Variants in GAREM1 observed in about 807,000 individuals in gnomAD.
The protein encoded by GAREM1 is GRB2 associated regulator of MAPK1 subtype 1.
A neutral mutation model predicts 71.3 loss-of-function variants in GAREM1; 26 were observed. The observed-to-expected ratio is 0.36, with a 90% CI of 0.27 to 0.51. GAREM1 has a LOEUF of 0.51. GAREM1 is among the 20% of genes least tolerant of loss of function. GAREM1 has a pLI of 0.95. For missense variants in GAREM1, 1,026 were observed against 1,103.1 expected (o/e 0.93, Z 0.99); for synonymous variants, 440 against 433.2 (o/e 1.02, Z -0.20).
At chr18:32,350,405 G>A (rs1380254481) in intron 2 of GAREM1, among the ~76,000 whole-genome samples, 1 of 151,990 alleles carries the variant, frequency 6.6e-6, no homozygotes, top group African/African-American at 2.4e-5. Context: ...TCCAACTGAA[G>A]GATTTTTGGC....
At chr18:32,306,857 T>C (rs1234361036) in intron 3 of GAREM1, among the ~76,000 whole-genome samples, 1 of 152,102 alleles carries the variant, frequency 6.6e-6, no homozygotes, top group African/African-American at 2.4e-5. Context: ...TAGTAAGTGC[T>C]CAAAATATAT....
chr18:32,339,303 A>G (rs1567970396), intron 2 of GAREM1, among the ~76,000 whole-genome samples: 1 of 152,192 alleles, frequency 6.6e-6, no homozygotes, highest in Admixed American at 6.5e-5. Flanking sequence ...CCGCCCACTG[A>G]TAAGTGCCTG....
chr18:32,339,689 A>G (rs1414790858), intron 2 of GAREM1, among the ~76,000 whole-genome samples: 1 of 152,180 alleles, frequency 6.6e-6, no homozygotes, highest in Non-Finnish European at 1.5e-5. Flanking sequence ...AACATATACA[A>G]ATCTAATTTC....
At chr18:32,455,972 G>GA (rs953180119) in intron 1 of GAREM1, among the ~76,000 whole-genome samples, 10 of 150,844 alleles carry the variant, frequency 6.6e-5, no homozygotes, top group African/African-American at 2.2e-4. Flanking sequence ...CAGCCTGGAA[G>GA]AAAAAAAAAT....
At chr18:32,337,408 T>A (rs906945218) in intron 2 of GAREM1, among the ~76,000 whole-genome samples, 1 of 152,174 alleles carries the variant, frequency 6.6e-6, no homozygotes, top group Admixed American at 6.5e-5. Flanking sequence ...GGTGAGTGAA[T>A]ACACATTTTA....
chr18:32,424,191 C>T (rs541058425), intron 1 of GAREM1, among the ~76,000 whole-genome samples: 1 of 151,840 alleles, frequency 6.6e-6, no homozygotes, highest in African/African-American at 2.4e-5. Context: ...CTTCCATATG[C>T]TAAAATCTAT....
chr18:32,409,815 G>T (rs149659700), intron 1 of GAREM1, among the ~76,000 whole-genome samples: 3 of 152,230 alleles, frequency 2.0e-5, no homozygotes, highest in African/African-American at 7.2e-5. Flanking sequence ...AGCAACTGTA[G>T]TACCAGTATT....
chr18:32,298,238 A>C (rs2047163175), intron 3 of GAREM1, among the ~76,000 whole-genome samples: 1 of 152,210 alleles, frequency 6.6e-6, no homozygotes, highest in Admixed American at 6.5e-5. Flanking sequence ...TATTAATGCT[A>C]GCAATTAGCC....
chr18:32,310,127 C>A, intron 3 of GAREM1, 66 bp downstream of exon 3: 1 of 1,557,258 alleles, frequency 6.4e-7, no homozygotes, highest in Middle Eastern at 1.7e-4. Flanking sequence ...TTACTGTGTA[C>A]ATCCAGACTT....
chr18:32,433,116 T>C (rs968763399), intron 1 of GAREM1, among the ~76,000 whole-genome samples: 5 of 151,848 alleles, frequency 3.3e-5, no homozygotes, highest in Non-Finnish European at 7.4e-5. Context: ...AATGGTTCAA[T>C]TGAAAATCGG....
At chr18:32,412,345 C>T in intron 1 of GAREM1, 1 of 1,593,890 alleles carries the variant, frequency 6.3e-7, no homozygotes, top group Middle Eastern at 2.1e-4. Flanking sequence ...AAATTTCCTC[C>T]CTTCATGGGT....
At chr18:32,347,692 C>G (rs941376203) in intron 2 of GAREM1, among the ~76,000 whole-genome samples, 9 of 152,140 alleles carry the variant, frequency 5.9e-5, no homozygotes, top group Non-Finnish European at 1.3e-4. Flanking sequence ...AAAGCAATGT[C>G]AATTAACAAA....
Position 32,268,747 on chromosome 18 carries a change from T to A in GAREM1, c.1755A>T (p.Thr585=). 4.3e-6 allele frequency: 7 copies of A among 1,613,802 alleles called. No homozygotes were observed. Among genetic ancestry groups the A allele is most frequent in the Non-Finnish European group, 5.9e-6 (7 of 1,179,760 alleles). ...LHNISVTKTD[T]NPSESTPVSC... is the part of the protein sequence containing the mutation. ...AAACAGGAGTGCTTTCAGAAGGATT[T>A]GTGTCAGTTTTAGTGACGCTGCTTA... The change falls in exon 6 of 6, where the codon ACA becomes ACT. Residue 585 remains threonine (T), a synonymous_variant. Coordinates refer to ENST00000269209, the MANE Select transcript of GAREM1 (RefSeq NM_001242409.2).
At chr18:32,347,202 T>C (rs1403741152) in intron 2 of GAREM1, among the ~76,000 whole-genome samples, 1 of 152,050 alleles carries the variant, frequency 6.6e-6, no homozygotes, top group Non-Finnish European at 1.5e-5. Context: ...TTAGTAACAA[T>C]ACCATTATAA....
At chr18:32,281,705 T>C (rs1450228670) in intron 4 of GAREM1, among the ~76,000 whole-genome samples, 7 of 152,208 alleles carry the variant, frequency 4.6e-5, no homozygotes, top group African/African-American at 1.4e-4. Context: ...CCGGGCACGG[T>C]GGCTCATGCC....
intron 2 of GAREM1, among the ~76,000 whole-genome samples, chr18:32,310,683 A>G (rs2047311372): frequency 1.3e-5 from 2 of 152,196 alleles, no homozygotes; most frequent in Admixed American, 1.3e-4. Flanking sequence ...TACCTTGCCC[A>G]TCAGTTGTTG....
At chr18:32,342,330 T>C (rs1258917322) in intron 2 of GAREM1, among the ~76,000 whole-genome samples, 7 of 152,134 alleles carry the variant, frequency 4.6e-5, no homozygotes, top group Admixed American at 1.3e-4. Flanking sequence ...CCCGCCCTCC[T>C]CCAGGCTAGT....
intron 3 of GAREM1, among the ~76,000 whole-genome samples, chr18:32,295,794 C>CA (rs982063149): frequency 6.6e-6 from 1 of 152,072 alleles, no homozygotes; most frequent in African/African-American, 2.4e-5. Context: ...TATATGCTGC[C>CA]AAGGCTTAAA....
chr18:32,316,146 TATAAGAAATTCTAC>T (rs1224580025), intron 2 of GAREM1, among the ~76,000 whole-genome samples: 1 of 152,202 alleles, frequency 6.6e-6, no homozygotes, highest in Non-Finnish European at 1.5e-5. Flanking sequence ...TGGGAGCATG[TATAAGAAATTCTAC>T]TGAGAATGAT....
Sources: gnomAD v4.1 joint callset for allele counts (sites outside exome capture counted in the v4.1 genomes callset) on GRCh38, gnomAD v4.1.1 for gene constraint, MANE v1.5 for transcripts, NCBI Gene and HGNC (gene_info 2026-07-23, HGNC 2026-07-21) for gene names.